RNF6: variants seen among roughly 807,000 people sequenced by gnomAD.
RNF6 encodes ring finger protein 6.
RNF6 carries 21 observed loss-of-function variants against 50.1 expected under a neutral mutation model. The observed-to-expected ratio is 0.42, with a 90% CI of 0.30 to 0.60. The LOEUF is 0.60. Among genes scored for constraint, RNF6 ranks in the 20% least tolerant of loss-of-function variants. The probability of loss-of-function intolerance (pLI) is 0.20; values close to 1 mark genes in which losing one functional copy is unlikely to be tolerated. For synonymous variants in RNF6, 255 were observed against 291.8 expected, an observed-to-expected ratio of 0.87 and a Z score of 1.29; for missense variants, 698 against 838.2, an observed-to-expected ratio of 0.83 and a Z score of 2.07.
At chr13:26,173,772 G>A (rs959328658) in intron 5 of RNF6, among the ~76,000 whole-genome samples, 1 of 152,010 alleles carries the variant, frequency 6.6e-6, no homozygotes, top group African/African-American at 2.4e-5. Flanking sequence ...CCAACATGGT[G>A]AAACCCCGGC....
At chr13:26,146,571 T>A (rs902661037) in intron 5 of RNF6, among the ~76,000 whole-genome samples, 1 of 152,160 alleles carries the variant, frequency 6.6e-6, no homozygotes, top group Non-Finnish European at 1.5e-5. Flanking sequence ...AGTGAATAGA[T>A]CTTAAATGAC....
intron 5 of RNF6, among the ~76,000 whole-genome samples, chr13:26,201,992 G>C (rs1868914971): frequency 1.3e-5 from 2 of 152,154 alleles, no homozygotes; most frequent in South Asian, 2.1e-4. Flanking sequence ...TGTGGTTCTA[G>C]ACCCCAGGAT....
chr13:26,213,703 G>C lies in RNF6; in HGVS notation c.*121C>G. 2 of 668,196 alleles carry C rather than the reference G, an allele frequency of 3.0e-6. No homozygotes were observed. The highest frequency in any genetic ancestry group is 4.5e-6 in the Non-Finnish European group (2 of 445,012). 41.4% of individuals were successfully genotyped at this position (668,196 alleles called of 1,614,324 possible). A position where few individuals can be genotyped will look rare whatever the true frequency, so the allele number is the denominator to read the frequency against. ...AGTTTAAAAAAGCACACGAAAAATA[G>C]TTCAAACTATATATAATCTGTTATT... On this transcript the variant is annotated 3_prime_UTR_variant, in exon 5 of 5. Transcript: ENST00000381588.
intron 5 of RNF6, among the ~76,000 whole-genome samples, chr13:26,184,348 A>G (rs1873415281): frequency 6.6e-6 from 1 of 151,990 alleles, no homozygotes; most frequent in Non-Finnish European, 1.5e-5. Flanking sequence ...ATTATATTCT[A>G]ATCAGTCTCC....
chr13:26,173,612 G>A (rs1422287384), intron 5 of RNF6, among the ~76,000 whole-genome samples: 3 of 152,122 alleles, frequency 2.0e-5, no homozygotes, highest in Admixed American at 2.0e-4. Context: ...AGTACTTGCA[G>A]GGGTTGGGGG....
chr13:26,182,882 C>T (rs938794500), intron 5 of RNF6, among the ~76,000 whole-genome samples: 1 of 152,152 alleles, frequency 6.6e-6, no homozygotes, highest in African/African-American at 2.4e-5. Flanking sequence ...AACCTATTAA[C>T]AGATTTGAAA....
chr13:26,137,584 T>C (rs182481247), intron 5 of RNF6, among the ~76,000 whole-genome samples: 1 of 151,206 alleles, frequency 6.6e-6, no homozygotes, highest in East Asian at 1.9e-4. Flanking sequence ...GAAGGAATTA[T>C]GTTGAAAGAA....
chr13:26,178,924 T>C (rs554104526), intron 5 of RNF6, among the ~76,000 whole-genome samples: 1 of 152,302 alleles, frequency 6.6e-6, no homozygotes, highest in East Asian at 1.9e-4. Context: ...CTTAGTATAA[T>C]GTCCTCCAGA....
chr13:26,213,778 A>G lies in RNF6; in HGVS notation c.*46T>C, dbSNP rs1566437205. On this transcript the variant is annotated 3_prime_UTR_variant, in exon 5 of 5. Coordinates refer to ENST00000381588, the MANE Select transcript of RNF6 (RefSeq NM_005977.4). ...AATAACTCAGCAAAACAATGCTTGA[A>G]CATTCAGTTCTACTAAAAAACAGTA... 4.1e-6 allele frequency: 6 copies of G among 1,454,468 alleles called. No individual in the cohort carries two copies. In the African/African-American group the frequency reaches 5.6e-5, roughly 14 times the overall value. 90.1% of individuals were successfully genotyped at this position (1,454,468 alleles called of 1,614,324 possible). A position where few individuals can be genotyped will look rare whatever the true frequency, so the allele number is the denominator to read the frequency against.
chr13:26,214,256 G>A lies in RNF6; in HGVS notation c.1626C>T (p.Ala542=). 1.2e-6 allele frequency: 2 copies of A among 1,614,076 alleles called. No individual in the cohort carries two copies. Among genetic ancestry groups the A allele is most frequent in the Non-Finnish European group, 1.7e-6 (2 of 1,180,022 alleles). The part of the protein sequence containing the change: ...HREGSSQDRQ[A]QGDSTEMHGE... The stretch of plus-strand genomic sequence containing the variant: ...CATGCATTTCAGTGCTGTCTCCTTG[G>A]GCCTGCCTGTCTTGAGAGGAACCTT... Residue 542 remains alanine, a synonymous_variant, in exon 5 of 5, where the codon GCC becomes GCT. Coordinates refer to ENST00000381588, the MANE Select transcript of RNF6 (RefSeq NM_005977.4).
intron 5 of RNF6, among the ~76,000 whole-genome samples, chr13:26,205,169 A>G (rs577152669): frequency 5.9e-4 from 90 of 152,276 alleles, no homozygotes; most frequent in African/African-American, 2.1e-3. Context: ...TATTAGCCTT[A>G]TAACACCAAC....
intron 5 of RNF6, among the ~76,000 whole-genome samples, chr13:26,178,796 C>T (rs1873098282): frequency 6.6e-6 from 1 of 152,108 alleles, no homozygotes; most frequent in Non-Finnish European, 1.5e-5. Flanking sequence ...ATTTTCCCCT[C>T]CCCTGAGCAC....
chr13:26,181,294 A>C (rs946050229), intron 5 of RNF6, among the ~76,000 whole-genome samples: 14 of 152,336 alleles, frequency 9.2e-5, no homozygotes, highest in South Asian at 2.1e-4. Flanking sequence ...CTCTAAAGGA[A>C]GAAAGGAAAA....
chr13:26,172,114 T>C (rs1227606140), intron 5 of RNF6, among the ~76,000 whole-genome samples: 2 of 152,190 alleles, frequency 1.3e-5, no homozygotes, highest in Non-Finnish European at 2.9e-5. Context: ...TATTATAACA[T>C]GTTAAAATTA....
At chr13:26,164,406 T>C (rs369470564) in intron 5 of RNF6, among the ~76,000 whole-genome samples, 2 of 152,314 alleles carry the variant, frequency 1.3e-5, no homozygotes, top group African/African-American at 4.8e-5. Context: ...ATATCTACTT[T>C]ATAGTATATT....
chr13:26,139,540 A>C (rs1371804676), intron 5 of RNF6, among the ~76,000 whole-genome samples: 5 of 152,162 alleles, frequency 3.3e-5, no homozygotes, highest in Admixed American at 2.0e-4. Flanking sequence ...CCACGGATAC[A>C]AATAGGACAA....
intron 5 of RNF6, among the ~76,000 whole-genome samples, chr13:26,166,418 C>T (rs942630981): frequency 6.6e-6 from 1 of 152,180 alleles, no homozygotes; most frequent in African/African-American, 2.4e-5. Context: ...CAAACTATCC[C>T]TGTTTGCAGA....
chr13:26,161,186 T>C (rs1872196460), intron 5 of RNF6, among the ~76,000 whole-genome samples: 1 of 152,246 alleles, frequency 6.6e-6, no homozygotes. Context: ...ACGGACCTGT[T>C]TGACCATTTG....
At chr13:26,132,734 A>C (rs1458507109) in intron 5 of RNF6, among the ~76,000 whole-genome samples, 1 of 152,250 alleles carries the variant, frequency 6.6e-6, no homozygotes, top group Non-Finnish European at 1.5e-5. Context: ...TGTAATCACC[A>C]TGACCGTATA....
Sources: gnomAD v4.1 joint callset for allele counts (sites outside exome capture counted in the v4.1 genomes callset) on GRCh38, gnomAD v4.1.1 for gene constraint, MANE v1.5 for transcripts, NCBI Gene and HGNC (gene_info 2026-07-23, HGNC 2026-07-21) for gene names.